Variants in CLCN2 observed in about 807,000 individuals in gnomAD.
The protein encoded by CLCN2 is chloride voltage-gated channel 2.
CLCN2 carries 72 observed loss-of-function variants against 108.3 expected under a neutral mutation model. The ratio of observed to expected loss-of-function variants is 0.66; its 90% CI spans 0.55 to 0.81. The LOEUF (loss-of-function observed/expected upper bound fraction) is 0.81, where lower values mean the gene tolerates loss of function less well. Among genes scored for constraint, CLCN2 ranks in the 30% least tolerant of loss-of-function variants. The pLI is 0.00. For synonymous variants in CLCN2, 471 were observed against 467.1 expected (o/e 1.01, Z -0.11); for missense variants, 1,048 against 1,205.2 (o/e 0.87, Z 1.93).
At chr3:184,350,579 G>A (rs914670729) in intron 22 of CLCN2, among the ~76,000 whole-genome samples, 4 of 152,138 alleles carry the variant, frequency 2.6e-5, no homozygotes, top group African/African-American at 9.7e-5. Context: ...GGGATTACAG[G>A]TGCCTGCCAC....
At chr3:184,351,612 A>G (rs1234528964) in intron 22 of CLCN2, among the ~76,000 whole-genome samples, 2 of 151,866 alleles carry the variant, frequency 1.3e-5, no homozygotes, top group African/African-American at 4.8e-5. Context: ...TGGCTTGTTT[A>G]TTGCATTTTC....
chr3:184,349,221 T>G (rs527462043), intron 22 of CLCN2: 1 of 152,310 alleles, frequency 6.6e-6, no homozygotes, highest in African/African-American at 2.4e-5. Context: ...CCGGGCGCAG[T>G]GGCTCATGCC....
intron 10 of CLCN2, chr3:184,356,343 T>TA: frequency 6.2e-6 from 1 of 160,978 alleles, no homozygotes; most frequent in Non-Finnish European, 1.3e-5. Context: ...GTTCTGGAGA[T>TA]TAAAAAAAAA....
At chr3:184,353,502 G>A (rs943888112) in intron 16 of CLCN2, 80 bp from the exon 17 acceptor site, 6 of 1,545,010 alleles carry the variant, frequency 3.9e-6, no homozygotes, top group Non-Finnish European at 5.3e-6. Flanking sequence ...CAGAGTGGGG[G>A]GCCTTGCATG....
intron 22 of CLCN2, 90 bp from the exon 23 acceptor site, chr3:184,347,111 G>A: frequency 9.4e-7 from 1 of 1,060,040 alleles, no homozygotes; most frequent in Non-Finnish European, 1.5e-6. Flanking sequence ...AGGTTGGTGT[G>A]GAATAGGAGG....
chr3:184,352,942 G>T, intron 18 of CLCN2, 91 bp downstream of exon 18: 2 of 1,526,798 alleles, frequency 1.3e-6, no homozygotes, highest in Non-Finnish European at 1.8e-6. Flanking sequence ...CTTCCAGCTG[G>T]GATGTACCCC....
rs1728249890 is a variant in CLCN2, at chr3:184,353,128, G to A, written c.2048C>T (p.Ala683Val). 6.2e-7 allele frequency: 1 copy of A among 1,614,070 alleles called. No homozygotes were observed. Among genetic ancestry groups the A allele is most frequent in the Non-Finnish European group, 8.5e-7 (1 of 1,180,026 alleles). Residue 683 changes from alanine to valine, a missense_variant, in exon 18 of 24, where the codon GCC (alanine) becomes GTC (valine). Coordinates refer to ENST00000265593, the MANE Select transcript of CLCN2 (RefSeq NM_004366.6). ...VCFQVNTEDS[A>V]FPAARGETHK... is the part of the protein sequence containing the mutation. ...GGTCTCCCCCCGGGCTGCTGGGAAG[G>A]CTGAGTCTTCTGTGTTCACCTGCAT...
Position 184,347,004 on chromosome 3 carries a change from T to C in CLCN2, c.2433A>G (p.Ser811=), listed in dbSNP as rs775522595. ...TSLHKTHTIF[S]LLGVDHAYVT... ...CATAAGCATGGTCCACTCCCAGCAG[T>C]GAGAAGATAGTGTGAGTCTGCAGTG... The change falls in exon 23 of 24, where the codon TCA becomes TCG. Residue 811 remains serine (S), a synonymous_variant. Transcript: ENST00000265593. 3.7e-6 allele frequency: 6 copies of C among 1,613,552 alleles called. No homozygotes were observed. The African/African-American group carries it at 5.3e-5, about 14-fold the overall frequency.
Position 184,355,652 on chromosome 3 carries a change from T to C in CLCN2, c.1170+42A>G, listed in dbSNP as rs766631953. The C allele has an allele frequency of 1.2e-6, 2 of 1,610,194 alleles. No individual in the cohort carries two copies. The highest frequency in any genetic ancestry group is 1.7e-6 in the Non-Finnish European group (2 of 1,176,462). On this transcript the variant is annotated intron_variant, in intron 11 of 23. Transcript: ENST00000265593. The surrounding 1 kb of genome is among the most constrained non-coding windows in gnomAD (Gnocchi z 6.3). ...GGGCTGTTGGCTTTGGAGGAATGCCTTCCAAGGGAAAGCACAAAACTCCTG... is the reference window on the plus strand; with the variant it reads ...GGGCTGTTGGCTTTGGAGGAATGCCCTCCAAGGGAAAGCACAAAACTCCTG...
At position 184,358,815 on chromosome 3, in the gene CLCN2, T is replaced by G; in HGVS notation, c.221-2A>C. On this transcript the variant is annotated splice_acceptor_variant, in intron 2 of 23. Coordinates refer to ENST00000265593, the MANE Select transcript of CLCN2 (RefSeq NM_004366.6). LOFTEE classifies it high-confidence loss of function. Reference sequence around the variant, plus strand: ...ACTTGTGGCAGCGGACAGAACAGACTGGGTGCAGGGAAGGGAAGAAGGGGG... The same window carrying G: ...ACTTGTGGCAGCGGACAGAACAGACGGGGTGCAGGGAAGGGAAGAAGGGGG... 1 of 1,613,954 alleles carries G rather than the reference T, an allele frequency of 6.2e-7. No individual in the cohort carries two copies.
At position 184,357,052 on chromosome 3, in the gene CLCN2, G is replaced by A. The variant is rs1338889021; in HGVS notation, c.1026C>T (p.Asn342=). 1 of 1,613,820 alleles carries A rather than the reference G, an allele frequency of 6.2e-7. No individual in the cohort carries two copies. ...TCCGCATCACCTGGACAATCTTCCG[G>A]TTCAGGTAGACAAAGAGGGCTCCAC... The part of the protein sequence containing the change: ...GFGGALFVYL[N]RKIVQVMRKQ... The change falls in exon 10 of 24, where the codon AAC becomes AAT. Residue 342 remains asparagine, a synonymous_variant. Coordinates refer to ENST00000265593, the MANE Select transcript of CLCN2 (RefSeq NM_004366.6).
rs1712031261 is a variant in CLCN2, at chr3:184,361,104, G to A, written c.63+313C>T. Among the ~76,000 whole-genome samples, 1 of 152,210 alleles carries A rather than the reference G, an allele frequency of 6.6e-6. No individual in the cohort carries two copies. Among genetic ancestry groups the A allele is most frequent in the South Asian group, 2.1e-4 (1 of 4,830 alleles). Reference sequence around the variant, plus strand: ...TGAATGGTGCCGCGGAAGGGGCAGTGGGGTGCTGAGACTTGGGCCCAGGTG... The same window carrying A: ...TGAATGGTGCCGCGGAAGGGGCAGTAGGGTGCTGAGACTTGGGCCCAGGTG... On this transcript the variant is annotated intron_variant, in intron 1 of 23. Transcript: ENST00000265593. This position sits in a 1 kb window ranked among gnomAD's most constrained non-coding sequence, Gnocchi z 6.6.
Position 184,357,675 on chromosome 3 carries a change from C to T in CLCN2, c.717G>A (p.Met239Ile), listed in dbSNP as rs1348359199. The change falls in exon 7 of 24, where the codon ATG becomes ATA. Residue 239 changes from methionine to isoleucine, a missense_variant. Transcript: ENST00000265593. ...IYENESRNTEMLAAACAVGVG... is the reference protein window; with the variant it reads ...IYENESRNTEILAAACAVGVG... ...CCCCCACGGCACAGGCGGCAGCCAG[C>T]ATCTCTGTGTTCCGGGATTCATTCT... The T allele has an allele frequency of 6.2e-7, 1 of 1,614,104 alleles. No individual in the cohort carries two copies. The highest frequency in any genetic ancestry group is 2.2e-5 in the East Asian group (1 of 44,886).
At chr3:184,360,020 A>G (rs1711799729) in intron 1 of CLCN2, among the ~76,000 whole-genome samples, 1 of 151,412 alleles carries the variant, frequency 6.6e-6, no homozygotes, top group African/African-American at 2.4e-5. Flanking sequence ...ATAGAGACAG[A>G]GAGAGGGTGA....
chr3:184,359,865 G>C (rs1271660319), intron 1 of CLCN2, among the ~76,000 whole-genome samples: 6 of 152,114 alleles, frequency 3.9e-5, no homozygotes, highest in Admixed American at 6.5e-5. Flanking sequence ...TGGGACGGGA[G>C]AGTCGCCTGA....
In CLCN2 at chr3:184,357,728, G is replaced by A. The variant is rs745761699; in HGVS notation, c.694-30C>T. ...CGAGAGTGGTGGCAAGAGGGGGTCA[G>A]CTGTGGGCTCAGCAGCCTCTGCCCC... On this transcript the variant is annotated intron_variant, in intron 6 of 23. Coordinates refer to ENST00000265593, the MANE Select transcript of CLCN2 (RefSeq NM_004366.6). 1.2e-5 allele frequency: 20 copies of A among 1,613,954 alleles called. No homozygotes were observed. The Admixed American group carries it at 2.8e-4, about 23-fold the overall frequency.
In CLCN2 at chr3:184,358,181, C is replaced by T. The variant is rs940573694; in HGVS notation, c.481+1G>A. Reference sequence around the variant, plus strand: ...TGCCCTCCCCTTCTCTTCTAACATACCGACAGCCTGAGGGGCCAGGATCTG... The same window carrying T: ...TGCCCTCCCCTTCTCTTCTAACATATCGACAGCCTGAGGGGCCAGGATCTG... On this transcript the variant is annotated splice_donor_variant, in intron 4 of 23. Transcript: ENST00000265593. LOFTEE classifies it high-confidence loss of function. The T allele has an allele frequency of 6.2e-7, 1 of 1,614,022 alleles. No homozygotes were observed. The highest frequency in any genetic ancestry group is 8.5e-7 in the Non-Finnish European group (1 of 1,180,042).
rs1232762048 is a variant in CLCN2 at position 184,357,843 on chromosome 3, T to C, written c.629A>G (p.His210Arg). 4.3e-6 allele frequency: 7 copies of C among 1,613,824 alleles called. No individual in the cohort carries two copies. The highest frequency in any genetic ancestry group is 2.7e-5 in the African/African-American group (2 of 74,920). Residue 210 changes from histidine (H) to arginine (R), a missense_variant, in exon 6 of 24, where the codon CAT becomes CGT. Physicochemically the swap from His to Arg is conservative, Grantham distance 29 (BLOSUM62 0). Coordinates refer to ENST00000265593, the MANE Select transcript of CLCN2 (RefSeq NM_004366.6). ...AAGGGCAGCACACATGCTTGCGATA[T>C]GCACAAAAGGGCCCTGCGGGGTGGG... ...MPLGKEGPFVHIASMCAALLS... is the reference protein window; with the variant it reads ...MPLGKEGPFVRIASMCAALLS...
chr3:184,353,837 G>A (rs1313486342), intron 15 of CLCN2, 42 bp from the exon 16 acceptor site: 1 of 1,594,214 alleles, frequency 6.3e-7, no homozygotes, highest in Non-Finnish European at 8.5e-7. Context: ...TCAGCATGGG[G>A]AGAGGTGCCC....
Sources: allele counts gnomAD v4.1 joint callset (sites outside exome capture counted in the v4.1 genomes callset), GRCh38; gene constraint gnomAD v4.1.1; non-coding constraint Gnocchi (gnomAD v3.1); transcripts MANE v1.5; gene names NCBI Gene and HGNC (gene_info 2026-07-23, HGNC 2026-07-21).